Variants in C19orf25 observed in about 807,000 individuals in gnomAD.
C19orf25 encodes the protein chromosome 19 open reading frame 25.
In C19orf25, 1 loss-of-function variant was observed where a neutral mutation model predicts 3.1. The ratio of observed to expected loss-of-function variants is 0.32; its 90% CI spans 0.12 to 1.54. The LOEUF is 1.54. Ranked by LOEUF, C19orf25 falls within the 40% of genes most tolerant of loss-of-function variation. The probability of loss-of-function intolerance (pLI) is 0.38; values close to 1 mark genes in which losing one functional copy is unlikely to be tolerated. For missense variants in C19orf25, 196 were observed against 160.4 expected, an observed-to-expected ratio of 1.22 and a Z score of -1.20; for synonymous variants, 91 against 74.3, an observed-to-expected ratio of 1.23 and a Z score of -1.16.
chr19:1,477,682 A>G (rs569252343), intron 2 of C19orf25, among the ~76,000 whole-genome samples: 310 of 152,290 alleles, frequency 2.0e-3, no homozygotes, highest in Non-Finnish European at 3.7e-3. Flanking sequence ...TCTGAATTTC[A>G]TACCTCTTTC....
chr19:1,475,560 G>A (rs976657655), intron 2 of C19orf25: 7 of 356,324 alleles, frequency 2.0e-5, no homozygotes, highest in Non-Finnish European at 2.6e-5. Flanking sequence ...GTGGTAGCAC[G>A]CATCTGTGGT....
Position 1,479,170 on chromosome 19 carries a change from C to T in C19orf25, c.-10G>A. Reference sequence around the variant, plus strand: ...TCGCCGGCCTCTTCCCACCTGGGCGCGGGACCCGAAAGCCCAGCGTCGACG... The same window carrying T: ...TCGCCGGCCTCTTCCCACCTGGGCGTGGGACCCGAAAGCCCAGCGTCGACG... On this transcript the variant is annotated 5_prime_UTR_variant, in exon 1 of 3. Coordinates refer to ENST00000585675, the MANE Select transcript of C19orf25 (RefSeq NM_152482.3). 3.9e-6 allele frequency: 5 copies of T among 1,277,308 alleles called. No homozygotes were observed. The highest frequency in any genetic ancestry group is 4.2e-5 in the Admixed American group (1 of 23,762). 79.1% of individuals were successfully genotyped at this position (1,277,308 alleles called of 1,614,324 possible).
rs1461099023 is a variant in C19orf25, at chr19:1,475,171, T to C, written c.218A>G (p.Asn73Ser). 1 of 1,578,638 alleles carries C rather than the reference T, an allele frequency of 6.3e-7. No individual in the cohort carries two copies. The highest frequency in any genetic ancestry group is 8.6e-7 in the Non-Finnish European group (1 of 1,163,534). Residue 73 changes from asparagine (N) to serine (S), a missense_variant, in exon 3 of 3, where the codon AAC becomes AGC. Transcript: ENST00000585675. ...YQQSRAYVAANQRLQQAGNVL... is the reference protein window; with the variant it reads ...YQQSRAYVAASQRLQQAGNVL... The stretch of plus-strand genomic sequence containing the variant: ...GTTGCCCGCCTGCTGCAGCCGCTGG[T>C]TGGCAGCCACGTAGGCCCGGCTTTG...
chr19:1,475,784 C>T lies in C19orf25; in HGVS notation c.131-526G>A, dbSNP rs190260345. ...TGGGTGGCAGGAGGGGCTTCCAGCT[C>T]TAGGCTACCCGCCTTAGCAAAGCGT... On this transcript the variant is annotated intron_variant, in intron 2 of 2. Coordinates refer to ENST00000585675, the MANE Select transcript of C19orf25 (RefSeq NM_152482.3). 5.5e-4 allele frequency: 105 copies of T among 190,020 alleles called. 1 individual carries two copies. The East Asian group carries it at 0.013, about 24-fold the overall frequency. 11.8% of individuals were successfully genotyped at this position (190,020 alleles called of 1,614,324 possible).
chr19:1,478,645 G>C, intron 2 of C19orf25, 129 bp downstream of exon 2: 1 of 1,493,722 alleles, frequency 6.7e-7, no homozygotes, highest in Non-Finnish European at 8.9e-7. Context: ...ACTCGGAGAG[G>C]ATACGGACCG....
At chr19:1,478,562 C>A in intron 2 of C19orf25, 1 of 1,371,542 alleles carries the variant, frequency 7.3e-7, no homozygotes, top group Non-Finnish European at 9.4e-7. Flanking sequence ...GCCTGAACCA[C>A]AGCGCCCGGC....
chr19:1,475,894 A>G, intron 2 of C19orf25: 1 of 283,898 alleles, frequency 3.5e-6, no homozygotes, highest in Non-Finnish European at 6.5e-6. Context: ...TTCCTGCAAA[A>G]GCCGTGGCAC....
chr19:1,474,814 C>A lies in C19orf25; in HGVS notation c.*218G>T. On this transcript the variant is annotated 3_prime_UTR_variant, in exon 3 of 3. Transcript: ENST00000585675. Reference sequence around the variant, plus strand: ...CCTCTTCCAGAACCCCAGTGGGGCCCTCAGGTCACGCAGGACGGAGCCAGC... The same window carrying A: ...CCTCTTCCAGAACCCCAGTGGGGCCATCAGGTCACGCAGGACGGAGCCAGC... The A allele has an allele frequency of 6.9e-7, 1 of 1,443,384 alleles. No individual in the cohort carries two copies. The highest frequency in any genetic ancestry group is 9.1e-7 in the Non-Finnish European group (1 of 1,100,742). 89.4% of individuals were successfully genotyped at this position (1,443,384 alleles called of 1,614,324 possible). A position where few individuals can be genotyped will look rare whatever the true frequency, so the allele number is the denominator to read the frequency against.
intron 2 of C19orf25, chr19:1,478,417 G>GT (rs1179192413): frequency 3.9e-6 from 1 of 254,492 alleles, no homozygotes; most frequent in Non-Finnish European, 6.7e-6. Flanking sequence ...ACTCTGTTTT[G>GT]TTTTTGTTTT....
At position 1,475,053 on chromosome 19, in the gene C19orf25, G is replaced by A. The variant is rs765360723; in HGVS notation, c.336C>T (p.Ala112=). Residue 112 remains alanine (A), a synonymous_variant, in exon 3 of 3, where the codon GCC becomes GCT. Transcript: ENST00000585675. ...AQMKQAALPA[A]EAASSG ...GAGGTCAGCCTGAGGAGGCAGCCTC[G>A]GCTGCCGGTAATGCTGCCTGCTTCA... The A allele has an allele frequency of 6.9e-5, 110 of 1,596,132 alleles. 1 individual carries two copies. Among genetic ancestry groups the A allele is most frequent in the African/African-American group, 4.7e-4 (35 of 74,526 alleles).
At chr19:1,478,139 A>G (rs1285099837) in intron 2 of C19orf25, among the ~76,000 whole-genome samples, 1 of 151,882 alleles carries the variant, frequency 6.6e-6, no homozygotes, top group Non-Finnish European at 1.5e-5. Flanking sequence ...CGCACCGGCC[A>G]CTTATTTATT....
At chr19:1,479,023 C>T in intron 1 of C19orf25, 118 bp from the exon 2 acceptor site, 1 of 1,386,102 alleles carries the variant, frequency 7.2e-7, no homozygotes, top group South Asian at 1.6e-5. Flanking sequence ...CGGGGAAGCC[C>T]GCCCTGTCCC....
At chr19:1,477,301 C>G (rs2084215116) in intron 2 of C19orf25, among the ~76,000 whole-genome samples, 1 of 152,284 alleles carries the variant, frequency 6.6e-6, no homozygotes, top group South Asian at 2.1e-4. Context: ...CGCACCTGGC[C>G]GATTCATCTT....
In C19orf25 at chr19:1,474,618, TG is replaced by T. The variant is rs752721604; in HGVS notation, c.*413del. ...GCTCTGACATTGGGTGGGCACTCGC[TG>T]GATGGAATCACAGTTAACACCTCGA... is the stretch of plus-strand genomic sequence containing the variant. On this transcript the variant is annotated 3_prime_UTR_variant, in exon 3 of 3. Coordinates refer to ENST00000585675, the MANE Select transcript of C19orf25 (RefSeq NM_152482.3). 13 of 503,334 alleles carry T rather than the reference TG, an allele frequency of 2.6e-5. No individual in the cohort carries two copies. The highest frequency in any genetic ancestry group is 4.0e-5 in the Non-Finnish European group (12 of 297,500). The allele number at this position is 503,334 out of a possible 1,614,324, so 31.2% of individuals were successfully genotyped here.
At chr19:1,477,741 G>A (rs2084219877) in intron 2 of C19orf25, among the ~76,000 whole-genome samples, 1 of 152,152 alleles carries the variant, frequency 6.6e-6, no homozygotes, top group Non-Finnish European at 1.5e-5. Flanking sequence ...AAAATGTGAA[G>A]TCCATTCATA....
intron 2 of C19orf25, chr19:1,476,370 C>T (rs984149973): frequency 5.0e-6 from 2 of 398,310 alleles, no homozygotes; most frequent in Admixed American, 4.4e-5. Context: ...CTTCTGTGAG[C>T]GCCCCCCGTC....
intron 2 of C19orf25, among the ~76,000 whole-genome samples, chr19:1,477,688 CT>C (rs2145290473): frequency 6.6e-6 from 1 of 152,294 alleles, no homozygotes; most frequent in African/African-American, 2.4e-5. Flanking sequence ...TTTCATACCT[CT>C]TTCAGGTGTC....
Position 1,479,183 on chromosome 19 carries a change from C to A in C19orf25, c.-23G>T, listed in dbSNP as rs1449383612. On this transcript the variant is annotated 5_prime_UTR_variant, in exon 1 of 3. Transcript: ENST00000585675. Reference sequence around the variant, plus strand: ...CCCACCTGGGCGCGGGACCCGAAAGCCCAGCGTCGACGACGCAGCCACTTC... The same window carrying A: ...CCCACCTGGGCGCGGGACCCGAAAGACCAGCGTCGACGACGCAGCCACTTC... 2 of 1,277,292 alleles carry A rather than the reference C, an allele frequency of 1.6e-6. No individual in the cohort carries two copies. The highest frequency in any genetic ancestry group is 9.9e-7 in the Non-Finnish European group (1 of 1,013,082). 79.1% of individuals were successfully genotyped at this position (1,277,292 alleles called of 1,614,324 possible). A position where few individuals can be genotyped will look rare whatever the true frequency, so the allele number is the denominator to read the frequency against.
At chr19:1,476,682 G>A (rs1001581951) in intron 2 of C19orf25, among the ~76,000 whole-genome samples, 3 of 152,162 alleles carry the variant, frequency 2.0e-5, no homozygotes, top group Non-Finnish European at 4.4e-5. Context: ...GTCTCACTCT[G>A]TCACTCAGGC....
Sources: gnomAD v4.1 joint callset for allele counts (sites outside exome capture counted in the v4.1 genomes callset) on GRCh38, gnomAD v4.1.1 for gene constraint, MANE v1.5 for transcripts, NCBI Gene and HGNC (gene_info 2026-07-23, HGNC 2026-07-21) for gene names.